Variants in LRRK2 observed in about 807,000 individuals in gnomAD.
The protein encoded by LRRK2 is leucine-rich repeat serine/threonine-protein kinase 2.
LRRK2 carries 203 observed loss-of-function variants against 302.6 expected under a neutral mutation model. That is an observed-to-expected ratio of 0.67 (90% CI 0.60 to 0.75). LRRK2 has a LOEUF of 0.75. Among genes scored for constraint, LRRK2 ranks in the 30% least tolerant of loss-of-function variants. The pLI is 0.00. For missense variants in LRRK2, 2,830 were observed against 2,951.0 expected (o/e 0.96, Z 0.95); for synonymous variants, 1,066 against 1,031.9 (o/e 1.03, Z -0.63).
chr12:40,283,872 T>C lies in LRRK2; in HGVS notation c.2242-3T>C. ...AATATACTTAATTTTTTTTCTTTAATAGGTATGTGAGAAAGAGAGCAGTCC... is the reference window on the plus strand; with the variant it reads ...AATATACTTAATTTTTTTTCTTTAACAGGTATGTGAGAAAGAGAGCAGTCC... On this transcript the variant is annotated splice_region_variant and splice_polypyrimidine_tract_variant and intron_variant, in intron 18 of 50. Coordinates refer to ENST00000298910, the MANE Select transcript of LRRK2 (RefSeq NM_198578.4). The C allele has an allele frequency of 6.2e-7, 1 of 1,609,356 alleles. No individual in the cohort carries two copies. The highest frequency in any genetic ancestry group is 8.5e-7 in the Non-Finnish European group (1 of 1,177,440).
In LRRK2 at chr12:40,315,215, T is replaced by G. The variant is rs372228016; in HGVS notation, c.4742T>G (p.Val1581Gly). The change falls in exon 33 of 51, where the codon GTC (valine) becomes GGC (glycine). Residue 1581 changes from valine to glycine, a missense_variant. Physicochemically the swap from Val to Gly is moderately radical, Grantham distance 109. This residue lies in a region of LRRK2 where 2,121 missense variants were observed against 2,148.0 expected (regional missense o/e 0.99). Coordinates refer to ENST00000298910, the MANE Select transcript of LRRK2 (RefSeq NM_198578.4). ...HAVHFLNESG[V>G]LLHFQDPALQ... ...GTTTGATGACTTTTTACTACAGGAG[T>G]CCTTCTTCATTTTCAAGACCCAGCA... 8.7e-6 allele frequency: 14 copies of G among 1,611,024 alleles called. No individual in the cohort carries two copies. Among genetic ancestry groups the G allele is most frequent in the Non-Finnish European group, 1.2e-5 (14 of 1,177,682 alleles).
At chr12:40,269,878 A>G (rs1243525972) in intron 14 of LRRK2, among the ~76,000 whole-genome samples, 1 of 152,044 alleles carries the variant, frequency 6.6e-6, no homozygotes, top group African/African-American at 2.4e-5. Flanking sequence ...TTATCACCCA[A>G]TTGTAGCAAA....
chr12:40,255,829 C>T (rs1294639493), intron 11 of LRRK2, among the ~76,000 whole-genome samples: 1 of 152,114 alleles, frequency 6.6e-6, no homozygotes, highest in Non-Finnish European at 1.5e-5. Context: ...AGCAAAGTAA[C>T]CAACTCTTTA....
chr12:40,346,983 T>C (rs1254390089), intron 42 of LRRK2, 60 bp downstream of exon 42: 2 of 1,388,140 alleles, frequency 1.4e-6, no homozygotes, highest in African/African-American at 1.5e-5. Context: ...GCTTCATTTT[T>C]ATTTAATTGT....
At chr12:40,244,544 T>A (rs1252495294) in intron 7 of LRRK2, among the ~76,000 whole-genome samples, 1 of 152,108 alleles carries the variant, frequency 6.6e-6, no homozygotes, top group Admixed American at 6.6e-5. Flanking sequence ...GTTAATATTT[T>A]AAAAAATATT....
intron 38 of LRRK2, 132 bp from the exon 39 acceptor site, chr12:40,328,228 T>A: frequency 1.4e-6 from 1 of 700,052 alleles, no homozygotes; most frequent in South Asian, 1.6e-5. Context: ...TAAAGGAGAT[T>A]TGATTCAATG....
intron 7 of LRRK2, among the ~76,000 whole-genome samples, chr12:40,246,756 A>G (rs1942003641): frequency 6.6e-6 from 1 of 152,186 alleles, no homozygotes; most frequent in Admixed American, 6.6e-5. Flanking sequence ...ACTCTGGTTG[A>G]GACCTTACCT....
Position 40,316,641 on chromosome 12 carries a change from T to C in LRRK2, c.4827+1341T>C, listed in dbSNP as rs564437719. Among the ~76,000 whole-genome samples the C allele has an allele frequency of 5.9e-5, 9 of 152,164 alleles. No homozygotes were observed. The East Asian group carries it at 1.7e-3, about 29-fold the overall frequency. On this transcript the variant is annotated intron_variant, in intron 33 of 50. Transcript: ENST00000298910. ...AGGAAAATAACAATTATCTTCTATATTGCCTCCCTGGTTCAGTGTAAGTGA... is the reference window on the plus strand; with the variant it reads ...AGGAAAATAACAATTATCTTCTATACTGCCTCCCTGGTTCAGTGTAAGTGA...
chr12:40,321,213 A>G, intron 35 of LRRK2, 25 bp downstream of exon 35: 1 of 1,589,964 alleles, frequency 6.3e-7, no homozygotes, highest in Non-Finnish European at 8.6e-7. Flanking sequence ...AAGACTTATT[A>G]GATTTTTAGA....
At chr12:40,330,655 C>T (rs1028663685) in intron 39 of LRRK2, among the ~76,000 whole-genome samples, 1 of 152,080 alleles carries the variant, frequency 6.6e-6, no homozygotes, top group Non-Finnish European at 1.5e-5. Flanking sequence ...GGTGATGGGA[C>T]ATATGATATA....
chr12:40,328,281 A>G (rs1945611123), intron 38 of LRRK2, 79 bp from the exon 39 acceptor site: 2 of 1,087,872 alleles, frequency 1.8e-6, no homozygotes, highest in Non-Finnish European at 2.8e-6. Context: ...CAACAGATAT[A>G]ATTACAACAG....
At chr12:40,289,837 T>G (rs1944073939) in intron 20 of LRRK2, among the ~76,000 whole-genome samples, 1 of 152,012 alleles carries the variant, frequency 6.6e-6, no homozygotes, top group African/African-American at 2.4e-5. Context: ...TTATTATAGA[T>G]TCTACAGGAT....
At chr12:40,353,017 C>T (rs1946406075) in intron 44 of LRRK2, among the ~76,000 whole-genome samples, 1 of 152,180 alleles carries the variant, frequency 6.6e-6, no homozygotes, top group Non-Finnish European at 1.5e-5. Flanking sequence ...AGGGGCTCCT[C>T]ACTTCCCAGA....
At chr12:40,317,525 A>C (rs1945263199) in intron 33 of LRRK2, among the ~76,000 whole-genome samples, 2 of 152,114 alleles carry the variant, frequency 1.3e-5, no homozygotes. Flanking sequence ...CTGTTAGGTC[A>C]CTAAACTTAT....
rs138282130 is a variant in LRRK2 at position 40,306,426 on chromosome 12, A to G, written c.3959+460A>G. Among the ~76,000 whole-genome samples, 118 of 152,244 alleles carry G rather than the reference A, an allele frequency of 7.8e-4. No individual in the cohort carries two copies. The East Asian group carries it at 0.016, about 21-fold the overall frequency. On this transcript the variant is annotated intron_variant, in intron 28 of 50. Coordinates refer to ENST00000298910, the MANE Select transcript of LRRK2 (RefSeq NM_198578.4). ...TTTTGCCCATTAGGATGAGTAATCT[A>G]CTCACCTTGATCAGTTTTGAAAGCA...
intron 6 of LRRK2, among the ~76,000 whole-genome samples, chr12:40,241,786 G>A (rs972709432): frequency 6.6e-6 from 1 of 152,178 alleles, no homozygotes; most frequent in Non-Finnish European, 1.5e-5. Context: ...GGTGTAGGCA[G>A]AGTAAAACCC....
chr12:40,273,254 G>C (rs1268612265), intron 14 of LRRK2, among the ~76,000 whole-genome samples: 2 of 152,108 alleles, frequency 1.3e-5, no homozygotes, highest in South Asian at 2.1e-4. Context: ...TTCATTTAAT[G>C]GTTCTCAGAT....
chr12:40,286,634 C>A (rs1010882698), intron 19 of LRRK2: 2 of 151,942 alleles, frequency 1.3e-5, no homozygotes, highest in African/African-American at 4.8e-5. Context: ...TTAGCCAACT[C>A]ATCACTGGAT....
At chr12:40,303,582 T>C (rs897954875) in intron 26 of LRRK2, among the ~76,000 whole-genome samples, 1 of 152,136 alleles carries the variant, frequency 6.6e-6, no homozygotes, top group Non-Finnish European at 1.5e-5. Context: ...AAATAATAAT[T>C]AGAATTTAGC....
Sources: allele counts gnomAD v4.1 joint callset (sites outside exome capture counted in the v4.1 genomes callset), GRCh38; gene constraint gnomAD v4.1.1; regional missense constraint gnomAD v4.1.1; transcripts MANE v1.5; gene names NCBI Gene and HGNC (gene_info 2026-07-23, HGNC 2026-07-21).